Variants in FMNL3 observed in about 807,000 individuals in gnomAD.
FMNL3 encodes formin like 3, also known as formin-like protein 3.
Under a neutral mutation model 119.6 loss-of-function variants are expected in FMNL3, and 57 were observed. The ratio of observed to expected loss-of-function variants is 0.48; its 90% confidence interval spans 0.39 to 0.59. The LOEUF is 0.59. FMNL3 is among the 20% of genes least tolerant of loss of function. The pLI is 0.00. For missense variants in FMNL3, 1,053 were observed against 1,323.5 expected (o/e 0.80, Z 3.17); for synonymous variants, 491 against 507.3 (o/e 0.97, Z 0.43).
intron 1 of FMNL3, among the ~76,000 whole-genome samples, chr12:49,702,172 C>T (rs1278264233): frequency 1.3e-5 from 2 of 152,042 alleles, no homozygotes; most frequent in African/African-American, 4.8e-5. Flanking sequence ...GGCATGGTGG[C>T]GCACGCCTGT....
At chr12:49,687,503 C>A (rs369041137) in intron 1 of FMNL3, among the ~76,000 whole-genome samples, 29 of 152,268 alleles carry the variant, frequency 1.9e-4, no homozygotes, top group African/African-American at 7.0e-4. Context: ...AGGCACATGC[C>A]ACCACACCTG....
Position 49,647,172 on chromosome 12 carries a change from G to GT in FMNL3, c.2871+103dup. On this transcript the variant is annotated intron_variant, in intron 24 of 25. Transcript: ENST00000335154. The surrounding 1 kb of genome is among the most constrained non-coding windows in gnomAD (Gnocchi z 4.9). The stretch of plus-strand genomic sequence containing the variant: ...GGATGCCAGCCCACTGGCCCTCTGG[G>GT]TGGTCTGTCCACTCCAAGTTTTCAT... 1 of 1,555,832 alleles carries GT rather than the reference G, an allele frequency of 6.4e-7. No individual in the cohort carries two copies. Among genetic ancestry groups the GT allele is most frequent in the East Asian group, 2.2e-5 (1 of 44,468 alleles).
At chr12:49,661,880 G>T in intron 5 of FMNL3, 86 bp downstream of exon 5, 1 of 1,262,514 alleles carries the variant, frequency 7.9e-7, no homozygotes, top group Non-Finnish European at 1.2e-6. Context: ...CTTCATTGTT[G>T]AACTCTCACC....
chr12:49,658,582 C>A lies in FMNL3; in HGVS notation c.465G>T (p.Glu155Asp). Residue 155 changes from glutamate to aspartate, a missense_variant, in exon 6 of 26, where the codon GAG (glutamate) becomes GAT (aspartate). Around this residue, in one of 4 missense-constraint regions of FMNL3, gnomAD observed 264 missense variants for 265.5 expected, o/e 0.99. Coordinates refer to ENST00000335154, the MANE Select transcript of FMNL3 (RefSeq NM_175736.5). ...FAQCSVMFDF[E>D]GLESGDDGAF... ...CACCATCGTCACCACTTTCCAGACC[C>A]TCAAAGTCAAACCTGGAGCATGAAA... 6.2e-7 allele frequency: 1 copy of A among 1,609,274 alleles called. No homozygotes were observed. Among genetic ancestry groups the A allele is most frequent in the African/African-American group, 1.3e-5 (1 of 74,920 alleles).
At position 49,643,182 on chromosome 12, in the gene FMNL3, A is replaced by G. The variant is rs1299478136; in HGVS notation, c.*2633T>C. On this transcript the variant is annotated 3_prime_UTR_variant, in exon 26 of 26. Transcript: ENST00000335154. ...TCCCAGACGAGGGCTTCTGGAGGGC[A>G]GAGAACCTCTGCACTGACATGTATC... 2 of 1,609,546 alleles carry G rather than the reference A, an allele frequency of 1.2e-6. No homozygotes were observed. Among genetic ancestry groups the G allele is most frequent in the African/African-American group, 1.3e-5 (1 of 74,906 alleles).
At chr12:49,679,519 C>CTTGTTTTTT (rs1944280603) in intron 1 of FMNL3, among the ~76,000 whole-genome samples, 1 of 90,622 alleles carries the variant, frequency 1.1e-5, no homozygotes, top group Non-Finnish European at 2.1e-5. Flanking sequence ...GCATTTGTGT[C>CTTGTTTTTT]TTTTTTTTTT....
At chr12:49,701,594 G>T (rs11169114) in intron 1 of FMNL3, among the ~76,000 whole-genome samples, 3,383 of 152,198 alleles carry the variant, frequency 0.022, 131 homozygotes, top group African/African-American at 0.077. Flanking sequence ...GCAAACAAAG[G>T]TACCTTCACT....
At chr12:49,682,985 C>T (rs1463251763) in intron 1 of FMNL3, among the ~76,000 whole-genome samples, 1 of 152,158 alleles carries the variant, frequency 6.6e-6, no homozygotes, top group South Asian at 2.1e-4. Flanking sequence ...GCCAGGTTAT[C>T]TCTAGTGTTC....
intron 4 of FMNL3, among the ~76,000 whole-genome samples, chr12:49,665,328 G>T (rs978734280): frequency 2.0e-5 from 3 of 152,038 alleles, no homozygotes; most frequent in African/African-American, 7.3e-5. Context: ...CCTGCCCCCA[G>T]TGCCTTACAT....
chr12:49,669,100 A>G (rs540221147), intron 1 of FMNL3, among the ~76,000 whole-genome samples: 170 of 152,328 alleles, frequency 1.1e-3, no homozygotes, highest in African/African-American at 3.8e-3. Context: ...TGTAGATGCT[A>G]TAACTGTGAC....
intron 12 of FMNL3, 123 bp from the exon 13 acceptor site, chr12:49,653,450 G>T (rs1943471065): frequency 9.8e-7 from 1 of 1,024,270 alleles, no homozygotes; most frequent in East Asian, 2.4e-5. Context: ...AGCTTAGTCA[G>T]GTGGTTCCCT....
intron 5 of FMNL3, among the ~76,000 whole-genome samples, chr12:49,658,855 C>T (rs1943653974): frequency 6.6e-6 from 1 of 152,188 alleles, no homozygotes. Context: ...TGGAGGCCAA[C>T]TCCTCTGCTC....
intron 6 of FMNL3, among the ~76,000 whole-genome samples, chr12:49,657,759 G>A (rs1336486148): frequency 2.0e-5 from 3 of 152,168 alleles, no homozygotes; most frequent in African/African-American, 7.2e-5. Context: ...AATCAACAGT[G>A]TCCAAGGGAC....
In FMNL3 at chr12:49,636,658, G is replaced by C. The variant is rs769745722; in HGVS notation, c.*9157C>G. 8.0e-5 allele frequency: 128 copies of C among 1,605,934 alleles called. No homozygotes were observed. Among genetic ancestry groups the C allele is most frequent in the Non-Finnish European group, 1.1e-4 (126 of 1,173,834 alleles). ...CATCGTTGAAACATTAGGGGTGCTG[G>C]GGTCTGAGAGGGTATCCTGCTGGGA... On this transcript the variant is annotated 3_prime_UTR_variant, in exon 26 of 26. Transcript: ENST00000335154.
Position 49,637,761 on chromosome 12 carries a change from C to T in FMNL3, c.*8054G>A. 6.6e-7 allele frequency: 1 copy of T among 1,510,738 alleles called. No individual in the cohort carries two copies. The highest frequency in any genetic ancestry group is 9.0e-7 in the Non-Finnish European group (1 of 1,111,318). 93.6% of individuals were successfully genotyped at this position (1,510,738 alleles called of 1,614,324 possible). A position where few individuals can be genotyped will look rare whatever the true frequency, so the allele number is the denominator to read the frequency against. ...CCACCCCTCTGGACTTATTCAAGTT[C>T]TATGTGGAGGAGTTGAAGGCACGAT... On this transcript the variant is annotated 3_prime_UTR_variant, in exon 26 of 26. Coordinates refer to ENST00000335154, the MANE Select transcript of FMNL3 (RefSeq NM_175736.5).
In FMNL3 at chr12:49,636,982, C is replaced by T. The variant is rs1423662065; in HGVS notation, c.*8833G>A. The T allele has an allele frequency of 1.5e-5, 19 of 1,295,092 alleles. No individual in the cohort carries two copies. Among genetic ancestry groups the T allele is most frequent in the Admixed American group, 2.1e-5 (1 of 47,476 alleles). The allele number at this position is 1,295,092 out of a possible 1,614,324, so 80.2% of individuals were successfully genotyped here. A position where few individuals can be genotyped will look rare whatever the true frequency, so the allele number is the denominator to read the frequency against. On this transcript the variant is annotated 3_prime_UTR_variant, in exon 26 of 26. Transcript: ENST00000335154. ...TAGCCCTGTCCAAGCTCTATGAGAC[C>T]TCTCTCTGCCTGCAGTCTGTTTCTG...
At position 49,649,687 on chromosome 12, in the gene FMNL3, G is replaced by A. The variant is rs750655242; in HGVS notation, c.2235+4C>T. The A allele has an allele frequency of 3.0e-5, 48 of 1,613,932 alleles. No homozygotes were observed. The highest frequency in any genetic ancestry group is 4.1e-5 in the Non-Finnish European group (48 of 1,179,932). On this transcript the variant is annotated splice_donor_region_variant and intron_variant, in intron 18 of 25. Transcript: ENST00000335154. The surrounding 1 kb of genome is among the most constrained non-coding windows in gnomAD (Gnocchi z 5.6). ...CAGAGCCATGAGTTGGGTGGGGGCT[G>A]TACCGGTGTGAGCATCTGCAGGTTA...
chr12:49,700,437 G>T (rs1944875421), intron 1 of FMNL3, among the ~76,000 whole-genome samples: 3 of 148,432 alleles, frequency 2.0e-5, no homozygotes, highest in Admixed American at 2.0e-4. Context: ...AAGATACGCT[G>T]GACGCAGTGG....
In FMNL3 at chr12:49,643,093, A is replaced by G; in HGVS notation, c.*2722T>C. The G allele has an allele frequency of 1.3e-6, 2 of 1,592,008 alleles. No homozygotes were observed. The highest frequency in any genetic ancestry group is 1.7e-6 in the Non-Finnish European group (2 of 1,161,528). ...AATAAACACTTTGTTTTCCCCTTAC[A>G]ATATCTCCCTTGGAGGGAAGTTTGA... is the stretch of plus-strand genomic sequence containing the variant. On this transcript the variant is annotated 3_prime_UTR_variant, in exon 26 of 26. Coordinates refer to ENST00000335154, the MANE Select transcript of FMNL3 (RefSeq NM_175736.5).
Sources: gnomAD v4.1 joint callset for allele counts (sites outside exome capture counted in the v4.1 genomes callset) on GRCh38, gnomAD v4.1.1 for gene constraint, gnomAD v4.1.1 regional missense constraint, Gnocchi (gnomAD v3.1) non-coding constraint, MANE v1.5 for transcripts, NCBI Gene and HGNC (gene_info 2026-07-23, HGNC 2026-07-21) for gene names.